The following NRCAM variants were observed in gnomAD, a reference collection of about 807,000 sequenced individuals.
NRCAM encodes the protein NgCAM-related cell adhesion molecule.
In NRCAM, 83 loss-of-function variants were observed where a neutral mutation model predicts 156.5. The ratio of observed to expected loss-of-function variants is 0.53; its 90% CI spans 0.44 to 0.64. The LOEUF is 0.64. Ranked by LOEUF, NRCAM falls within the 30% of genes least tolerant of loss-of-function variation. The pLI is 0.00. For missense variants in NRCAM, 1,417 were observed against 1,597.3 expected (o/e 0.89, Z 1.92); for synonymous variants, 538 against 563.9 (o/e 0.95, Z 0.65).
At chr7:108,251,812 G>T (rs930871581) in intron 3 of NRCAM, among the ~76,000 whole-genome samples, 1 of 152,214 alleles carries the variant, frequency 6.6e-6, no homozygotes, top group Non-Finnish European at 1.5e-5. Context: ...CTGCACCTGT[G>T]TCCAGTGGGG....
intron 3 of NRCAM, among the ~76,000 whole-genome samples, chr7:108,304,389 C>CTTTT (rs11417635): frequency 2.0e-5 from 3 of 147,232 alleles, no homozygotes; most frequent in African/African-American, 7.5e-5. Context: ...CTATTCCATG[C>CTTTT]TTTTTTTTTT....
intron 3 of NRCAM, among the ~76,000 whole-genome samples, chr7:108,298,773 C>A (rs1271895467): frequency 6.6e-6 from 1 of 151,832 alleles, no homozygotes; most frequent in East Asian, 1.9e-4. Context: ...CTTCCTTTGT[C>A]TCTCTTCAAG....
At chr7:108,310,769 A>C (rs1272315422) in intron 3 of NRCAM, among the ~76,000 whole-genome samples, 1 of 152,152 alleles carries the variant, frequency 6.6e-6, no homozygotes, top group Admixed American at 6.6e-5. Context: ...ACAAGATTCA[A>C]CCATTCACGA....
At chr7:108,438,851 A>G (rs749090959) in intron 1 of NRCAM, among the ~76,000 whole-genome samples, 1 of 152,204 alleles carries the variant, frequency 6.6e-6, no homozygotes, top group African/African-American at 2.4e-5. Flanking sequence ...ATCTAAAATG[A>G]TATGAAGGAA....
At position 108,180,434 on chromosome 7, in the gene NRCAM, C is replaced by T. The variant is rs372193927; in HGVS notation, c.2647-7G>A. 2.2e-5 allele frequency: 35 copies of T among 1,611,140 alleles called. No homozygotes were observed. The highest frequency in any genetic ancestry group is 3.0e-5 in the Non-Finnish European group (35 of 1,177,464). On this transcript the variant is annotated splice_region_variant and splice_polypyrimidine_tract_variant and intron_variant, in intron 24 of 32. Coordinates refer to ENST00000379028, the MANE Select transcript of NRCAM (RefSeq NM_001037132.4). ...GGGTCTTCCAATAGTAAATCTGAAA[C>T]AGCAAGAACGAAAGTCAGGAATGCA...
chr7:108,354,181 G>C (rs113285042), intron 2 of NRCAM, among the ~76,000 whole-genome samples: 1,992 of 152,152 alleles, frequency 0.013, 43 homozygotes, highest in African/African-American at 0.044. Flanking sequence ...ATATAAATAG[G>C]ATTTCCAAGA....
intron 2 of NRCAM, among the ~76,000 whole-genome samples, chr7:108,332,828 CT>C: frequency 1.3e-5 from 2 of 152,054 alleles, no homozygotes; most frequent in Non-Finnish European, 2.9e-5. Context: ...TGAGAATTAT[CT>C]TTGTATACAT....
chr7:108,215,194 G>A (rs2087346240), intron 11 of NRCAM, among the ~76,000 whole-genome samples: 1 of 150,540 alleles, frequency 6.6e-6, no homozygotes, highest in Non-Finnish European at 1.5e-5. Flanking sequence ...TGACAGCAGG[G>A]TGTTAAAGTG....
At position 108,191,938 on chromosome 7, in the gene NRCAM, A is replaced by G. The variant is rs73725377; in HGVS notation, c.1779-85T>C. The G allele has an allele frequency of 7.4e-3, 10,877 of 1,463,514 alleles. 680 individuals are homozygous for G. In the African/African-American group the frequency reaches 0.14, roughly 18 times the overall value. The allele number at this position is 1,463,514 out of a possible 1,614,324, so 90.7% of individuals were successfully genotyped here. The stretch of plus-strand genomic sequence containing the variant: ...CTTCACTGGCAGGAAAAAAACTGTA[A>G]ATTTGATAAAGGAGAAAGATGGTAA... On this transcript the variant is annotated intron_variant, in intron 17 of 32. Transcript: ENST00000379028.
intron 32 of NRCAM, among the ~76,000 whole-genome samples, chr7:108,153,229 T>C (rs916873432): frequency 6.6e-5 from 10 of 152,164 alleles, no homozygotes; most frequent in Admixed American, 2.6e-4. Context: ...TTTAGCAATC[T>C]ATGAAAAAGA....
At chr7:108,400,615 T>G (rs1023051843) in intron 1 of NRCAM, among the ~76,000 whole-genome samples, 1 of 152,220 alleles carries the variant, frequency 6.6e-6, no homozygotes, top group African/African-American at 2.4e-5. Flanking sequence ...ATTCTGTCTT[T>G]TCTACACTTT....
chr7:108,319,859 C>A (rs2154200902), intron 2 of NRCAM, among the ~76,000 whole-genome samples: 1 of 152,322 alleles, frequency 6.6e-6, no homozygotes, highest in South Asian at 2.1e-4. Context: ...AGACAGAGGC[C>A]TGGCCACTTG....
At chr7:108,222,579 T>C (rs1015067166) in intron 11 of NRCAM, among the ~76,000 whole-genome samples, 5 of 152,092 alleles carry the variant, frequency 3.3e-5, no homozygotes, top group African/African-American at 7.2e-5. Flanking sequence ...GCAGAAGATA[T>C]AGGGTTTTAA....
intron 2 of NRCAM, among the ~76,000 whole-genome samples, chr7:108,393,123 G>A (rs2099766094): frequency 6.6e-6 from 1 of 152,166 alleles, no homozygotes. Context: ...GTCTGCAGAA[G>A]TTTCTGCTGC....
chr7:108,436,985 G>GT (rs1438917112), intron 1 of NRCAM, among the ~76,000 whole-genome samples: 2 of 152,176 alleles, frequency 1.3e-5, no homozygotes, highest in Admixed American at 1.3e-4. Context: ...TTGCAGCACT[G>GT]TTCACTATAG....
At chr7:108,189,167 A>G (rs1427339478) in intron 20 of NRCAM, among the ~76,000 whole-genome samples, 1 of 152,174 alleles carries the variant, frequency 6.6e-6, no homozygotes, top group Non-Finnish European at 1.5e-5. Flanking sequence ...AAAGAGACCT[A>G]GGTTGGAAGT....
At chr7:108,153,349 T>A (rs1205690998) in intron 32 of NRCAM, among the ~76,000 whole-genome samples, 1 of 152,120 alleles carries the variant, frequency 6.6e-6, no homozygotes, top group African/African-American at 2.4e-5. Flanking sequence ...AAAAATATGA[T>A]AATCTCAGTA....
intron 1 of NRCAM, among the ~76,000 whole-genome samples, chr7:108,438,522 T>C (rs1412883262): frequency 6.6e-6 from 1 of 152,168 alleles, no homozygotes; most frequent in Non-Finnish European, 1.5e-5. Flanking sequence ...AAATGACTTC[T>C]ATTAAAAAAT....
At chr7:108,289,066 A>G (rs1284929229) in intron 3 of NRCAM, among the ~76,000 whole-genome samples, 1 of 152,144 alleles carries the variant, frequency 6.6e-6, no homozygotes, top group Non-Finnish European at 1.5e-5. Flanking sequence ...TGGAGCGATC[A>G]CAGGATACAA....
Sources: allele counts gnomAD v4.1 joint callset (sites outside exome capture counted in the v4.1 genomes callset), GRCh38; gene constraint gnomAD v4.1.1; transcripts MANE v1.5; gene names NCBI Gene and HGNC (gene_info 2026-07-23, HGNC 2026-07-21).